PRICKLE2: variants seen among roughly 807,000 people sequenced by gnomAD.
PRICKLE2 encodes the protein prickle-like protein 2.
Under a neutral mutation model 81.4 loss-of-function variants are expected in PRICKLE2, and 21 were observed. The observed-to-expected ratio is 0.26, with a 90% CI of 0.18 to 0.37. PRICKLE2 has a LOEUF of 0.37. Among genes scored for constraint, PRICKLE2 ranks in the 10% least tolerant of loss-of-function variants. PRICKLE2 has a pLI of 1.00. For synonymous variants in PRICKLE2, 456 were observed against 421.5 expected (o/e 1.08, Z -1.00); for missense variants, 940 against 1,109.0 (o/e 0.85, Z 2.16).
chr3:64,170,714 A>AC (rs1056020975), intron 2 of PRICKLE2, among the ~76,000 whole-genome samples: 1 of 150,814 alleles, frequency 6.6e-6, no homozygotes, highest in Non-Finnish European at 1.5e-5. Context: ...AAAAAAAAAA[A>AC]AAAAAAAAAA....
chr3:64,133,776 C>T (rs2077234358), intron 7 of PRICKLE2, among the ~76,000 whole-genome samples: 1 of 152,194 alleles, frequency 6.6e-6, no homozygotes, highest in Admixed American at 6.5e-5. Context: ...CAAGGCTCAT[C>T]TTTCTGGCTG....
chr3:64,258,662 A>G (rs550929853), intron 2 of PRICKLE2, among the ~76,000 whole-genome samples: 2 of 151,652 alleles, frequency 1.3e-5, no homozygotes, highest in South Asian at 4.2e-4. Flanking sequence ...CTACTTAAAA[A>G]AAGAAAAAAA....
chr3:64,179,295 C>A (rs1187121640), intron 2 of PRICKLE2, among the ~76,000 whole-genome samples: 1 of 151,932 alleles, frequency 6.6e-6, no homozygotes, highest in South Asian at 2.1e-4. Flanking sequence ...AGGCTGGACT[C>A]GAACTCACTA....
chr3:64,148,914 C>A (rs1295234286), intron 6 of PRICKLE2, among the ~76,000 whole-genome samples: 1 of 152,198 alleles, frequency 6.6e-6, no homozygotes, highest in East Asian at 1.9e-4. Context: ...TTAAAGCAGT[C>A]TCAACAGACT....
At chr3:64,244,084 C>T (rs1303190875) in intron 2 of PRICKLE2, among the ~76,000 whole-genome samples, 1 of 152,182 alleles carries the variant, frequency 6.6e-6, no homozygotes, top group Non-Finnish European at 1.5e-5. Flanking sequence ...GAAAAACTAA[C>T]AGGATGAATA....
chr3:64,151,520 G>A (rs1056627417), intron 6 of PRICKLE2, among the ~76,000 whole-genome samples: 3 of 152,200 alleles, frequency 2.0e-5, no homozygotes, highest in East Asian at 3.9e-4. Flanking sequence ...CTAAGTGGCA[G>A]TTTCTGGAGA....
rs1320515137 is a variant in PRICKLE2 at position 64,097,059 on chromosome 3, C to T, written c.*1992G>A. On this transcript the variant is annotated 3_prime_UTR_variant, in exon 8 of 8. Coordinates refer to ENST00000638394, the MANE Select transcript of PRICKLE2 (RefSeq NM_198859.4). ...GCAGTTTACAAACTTACTATACAAA[C>T]GTAATAGAGTTAATTCTCCGGAGGC... is the stretch of plus-strand genomic sequence containing the variant. 6.6e-6 allele frequency: 1 copy of T among 152,490 alleles called. No individual in the cohort carries two copies. Among genetic ancestry groups the T allele is most frequent in the Non-Finnish European group, 1.5e-5 (1 of 68,030 alleles). 9.4% of individuals were successfully genotyped at this position (152,490 alleles called of 1,614,324 possible).
intron 2 of PRICKLE2, among the ~76,000 whole-genome samples, chr3:64,263,392 A>G (rs540731637): frequency 6.6e-6 from 1 of 152,304 alleles, no homozygotes; most frequent in Admixed American, 6.5e-5. Flanking sequence ...AGCAAGAAAA[A>G]TCATTCCTGG....
At chr3:64,245,827 G>A (rs1281492445) in intron 2 of PRICKLE2, among the ~76,000 whole-genome samples, 1 of 152,218 alleles carries the variant, frequency 6.6e-6, no homozygotes, top group African/African-American at 2.4e-5. Flanking sequence ...AGGACCAGGT[G>A]TCTGAATAAC....
chr3:64,218,535 G>A (rs971377870), intron 1 of PRICKLE2, among the ~76,000 whole-genome samples: 3 of 152,226 alleles, frequency 2.0e-5, no homozygotes, highest in South Asian at 4.1e-4. Flanking sequence ...AGTTACTGCA[G>A]AATGCAGATG....
intron 2 of PRICKLE2, among the ~76,000 whole-genome samples, chr3:64,264,225 T>C (rs2079661945): frequency 6.6e-6 from 1 of 152,134 alleles, no homozygotes; most frequent in South Asian, 2.1e-4. Flanking sequence ...CAAACCTCTT[T>C]GAGCTTATCC....
At position 64,099,481 on chromosome 3, in the gene PRICKLE2, G is replaced by C. The variant is rs2076619124; in HGVS notation, c.2105C>G (p.Ala702Gly). The C allele has an allele frequency of 1.3e-6, 2 of 1,587,544 alleles. No homozygotes were observed. The highest frequency in any genetic ancestry group is 1.7e-6 in the Non-Finnish European group (2 of 1,162,464). ...RSRSDNALHLASEREAISRLK... is the reference protein window; with the variant it reads ...RSRSDNALHLGSEREAISRLK... The stretch of plus-strand genomic sequence containing the variant: ...CCGGGAGATGGCCTCGCGTTCGCTG[G>C]CCAGGTGGAGGGCGTTGTCGGAGCG... Residue 702 changes from alanine (A) to glycine (G), a missense_variant, in exon 8 of 8, where the codon GCC becomes GGC. Physicochemically the swap from Ala to Gly is moderately conservative, Grantham distance 60. Transcript: ENST00000638394. This position sits in a 1 kb window ranked among gnomAD's most constrained non-coding sequence, Gnocchi z 4.3.
intron 1 of PRICKLE2, 40 bp from the exon 2 acceptor site, chr3:64,199,007 A>G (rs760680460): frequency 1.3e-6 from 2 of 1,591,670 alleles, no homozygotes; most frequent in East Asian, 2.2e-5. Flanking sequence ...AGAGGAAAAA[A>G]CCTTTTTTTT....
upstream of PRICKLE2, among the ~76,000 whole-genome samples, chr3:64,229,896 A>AT (rs765285812): frequency 6.6e-6 from 1 of 152,210 alleles, no homozygotes; most frequent in Non-Finnish European, 1.5e-5. Context: ...GCAGTAACAT[A>AT]TGATCCCAGA....
chr3:64,128,764 G>C (rs1232091077), intron 7 of PRICKLE2, among the ~76,000 whole-genome samples: 1 of 127,592 alleles, frequency 7.8e-6, no homozygotes, highest in South Asian at 2.4e-4. Context: ...AAAAAAAAAA[G>C]GCATATTCAA....
At chr3:64,229,469 G>A (rs1280028556), upstream of PRICKLE2, among the ~76,000 whole-genome samples, 1 of 152,114 alleles carries the variant, frequency 6.6e-6, no homozygotes, top group African/African-American at 2.4e-5. Context: ...GGATTTAAAC[G>A]ACCTAAAGAG....
intron 2 of PRICKLE2, among the ~76,000 whole-genome samples, chr3:64,248,662 A>C (rs541438065): frequency 7.5e-4 from 113 of 150,804 alleles, no homozygotes; most frequent in Non-Finnish European, 1.5e-3. Context: ...AAAACCAAAA[A>C]AAACAAAACA....
intron 1 of PRICKLE2, among the ~76,000 whole-genome samples, chr3:64,215,545 C>G (rs1030165961): frequency 6.6e-6 from 1 of 152,188 alleles, no homozygotes; most frequent in African/African-American, 2.4e-5. Flanking sequence ...TGAAATCTAA[C>G]TGCAACCAGT....
Position 64,100,046 on chromosome 3 carries a change from A to T in PRICKLE2, c.1661-121T>A, listed in dbSNP as rs532394309. ...CCGTTGTGAAGTTGTGTACTGCACA[A>T]AGGCCCTCTCAGGGGGCACATGTGC... On this transcript the variant is annotated intron_variant, in intron 7 of 7. Transcript: ENST00000638394. 751 of 1,124,810 alleles carry T rather than the reference A, an allele frequency of 6.7e-4. 1 individual carries two copies. Among genetic ancestry groups the T allele is most frequent in the Non-Finnish European group, 9.0e-4 (685 of 764,958 alleles). The allele number at this position is 1,124,810 out of a possible 1,614,324, so 69.7% of individuals were successfully genotyped here. A position where few individuals can be genotyped will look rare whatever the true frequency, so the allele number is the denominator to read the frequency against.
Sources: gnomAD v4.1 joint callset for allele counts (sites outside exome capture counted in the v4.1 genomes callset) on GRCh38, gnomAD v4.1.1 for gene constraint, Gnocchi (gnomAD v3.1) non-coding constraint, MANE v1.5 for transcripts, NCBI Gene and HGNC (gene_info 2026-07-23, HGNC 2026-07-21) for gene names.